The following PRDM5 variants were observed in gnomAD, a reference collection of about 807,000 sequenced individuals.
The protein encoded by PRDM5 is PR/SET domain 5, also known as PR domain zinc finger protein 5.
PRDM5 carries 56 observed loss-of-function variants against 81.2 expected under a neutral mutation model. That is an observed-to-expected ratio of 0.69 (90% CI 0.56 to 0.86). PRDM5 has a LOEUF of 0.86. PRDM5 is among the 40% of genes least tolerant of loss of function. PRDM5 has a pLI of 0.00. For synonymous variants in PRDM5, 267 were observed against 256.4 expected, an observed-to-expected ratio of 1.04 and a Z score of -0.39; for missense variants, 697 against 770.1, an observed-to-expected ratio of 0.91 and a Z score of 1.12.
At chr4:120,703,738 C>G (rs1449371441) in intron 15 of PRDM5, among the ~76,000 whole-genome samples, 1 of 152,064 alleles carries the variant, frequency 6.6e-6, no homozygotes, top group South Asian at 2.1e-4. Flanking sequence ...AATGAACACA[C>G]AAAAGGTTAC....
downstream of PRDM5, among the ~76,000 whole-genome samples, chr4:120,690,429 C>T (rs1398883695): frequency 2.6e-5 from 4 of 151,946 alleles, no homozygotes; most frequent in Non-Finnish European, 4.4e-5. Flanking sequence ...GCCATCATCG[C>T]GGACTGAAAA....
chr4:120,721,402 GTGCCTCTAA>G (rs1285633944), intron 14 of PRDM5, among the ~76,000 whole-genome samples: 3 of 152,220 alleles, frequency 2.0e-5, no homozygotes, highest in Admixed American at 2.0e-4. Context: ...AGCTCCCAAG[GTGCCTCTAA>G]TGCGCAACCA....
intron 12 of PRDM5, 25 bp from the exon 13 acceptor site, chr4:120,777,306 TA>T (rs1208549513): frequency 6.2e-7 from 1 of 1,612,784 alleles, no homozygotes; most frequent in African/African-American, 1.3e-5. Flanking sequence ...ATAAAAAGGC[TA>T]AGGATAAATA....
intron 3 of PRDM5, among the ~76,000 whole-genome samples, chr4:120,852,661 G>A (rs7687183): frequency 0.21 from 32,047 of 150,702 alleles, 3,705 homozygotes; most frequent in Non-Finnish European, 0.25. Context: ...TTATATATAC[G>A]TATATATACA....
At chr4:120,898,623 AC>A (rs539752789) in intron 2 of PRDM5, among the ~76,000 whole-genome samples, 113 of 151,910 alleles carry the variant, frequency 7.4e-4, no homozygotes, top group Non-Finnish European at 1.4e-3. Context: ...TTGCTTTAAC[AC>A]CCCTTGAAGC....
chr4:120,779,719 T>C (rs1748728588), intron 12 of PRDM5, among the ~76,000 whole-genome samples: 1 of 152,108 alleles, frequency 6.6e-6, no homozygotes. Context: ...CTGGCCAGCA[T>C]GGTGAAACTC....
At chr4:120,761,695 A>G (rs899582939) in intron 13 of PRDM5, among the ~76,000 whole-genome samples, 1 of 152,212 alleles carries the variant, frequency 6.6e-6, no homozygotes, top group Non-Finnish European at 1.5e-5. Flanking sequence ...AATCCTTTCG[A>G]AAAAATCTAT....
At chr4:120,843,007 G>T (rs544137179) in intron 3 of PRDM5, among the ~76,000 whole-genome samples, 1 of 152,206 alleles carries the variant, frequency 6.6e-6, no homozygotes, top group Non-Finnish European at 1.5e-5. Context: ...AAACATCTGA[G>T]AGCAGGCAAA....
chr4:120,706,746 A>G (rs1302370239), intron 15 of PRDM5, among the ~76,000 whole-genome samples: 2 of 114,854 alleles, frequency 1.7e-5, no homozygotes, highest in Non-Finnish European at 3.7e-5. Context: ...ATATATGTCC[A>G]TTATATAAAT....
At chr4:120,901,073 A>C in intron 2 of PRDM5, among the ~76,000 whole-genome samples, 1 of 152,228 alleles carries the variant, frequency 6.6e-6, no homozygotes. Flanking sequence ...TCCTTTTTTA[A>C]ATTTTTAAAT....
chr4:120,695,299 C>G, intron 15 of PRDM5, 24 bp from the exon 16 acceptor site: 1 of 1,612,356 alleles, frequency 6.2e-7, no homozygotes, highest in Non-Finnish European at 8.5e-7. Flanking sequence ...AAAGACCAAC[C>G]ATATTATACT....
chr4:120,801,747 C>T (rs965646270), intron 8 of PRDM5, among the ~76,000 whole-genome samples: 83 of 152,188 alleles, frequency 5.5e-4, no homozygotes, highest in African/African-American at 1.9e-3. Flanking sequence ...TAAAGGCAGC[C>T]TCTTCAATCA....
At chr4:120,899,247 C>A (rs531380557) in intron 2 of PRDM5, among the ~76,000 whole-genome samples, 1 of 152,280 alleles carries the variant, frequency 6.6e-6, no homozygotes, top group African/African-American at 2.4e-5. Context: ...GTATAGTAAG[C>A]AGACATACCA....
intron 10 of PRDM5, among the ~76,000 whole-genome samples, chr4:120,786,839 G>T (rs1749826375): frequency 6.6e-6 from 1 of 152,140 alleles, no homozygotes; most frequent in Non-Finnish European, 1.5e-5. Flanking sequence ...AATAAGAAAA[G>T]ATGAAAATGG....
chr4:120,866,034 A>G (rs1761168553), intron 2 of PRDM5, among the ~76,000 whole-genome samples: 1 of 152,250 alleles, frequency 6.6e-6, no homozygotes, highest in Non-Finnish European at 1.5e-5. Flanking sequence ...CTCAAAATCT[A>G]TCTTCGAATT....
chr4:120,846,990 T>C (rs1434171595), intron 3 of PRDM5, among the ~76,000 whole-genome samples: 4 of 152,120 alleles, frequency 2.6e-5, no homozygotes, highest in Non-Finnish European at 4.4e-5. Context: ...TTTCTACTGC[T>C]TGAAACTGCC....
intron 14 of PRDM5, among the ~76,000 whole-genome samples, chr4:120,750,981 CTATT>C (rs1215559903): frequency 6.6e-6 from 1 of 151,786 alleles, no homozygotes; most frequent in Non-Finnish European, 1.5e-5. Context: ...TCTTATCTAT[CTATT>C]TATTTATTTT....
intron 14 of PRDM5, among the ~76,000 whole-genome samples, chr4:120,733,274 C>G (rs918177598): frequency 3.9e-5 from 6 of 152,164 alleles, no homozygotes; most frequent in Non-Finnish European, 8.8e-5. Context: ...ATCCTATCTT[C>G]CTGTCCCAGC....
intron 13 of PRDM5, among the ~76,000 whole-genome samples, chr4:120,773,937 C>T (rs1163188951): frequency 6.6e-6 from 1 of 152,090 alleles, no homozygotes; most frequent in Non-Finnish European, 1.5e-5. Context: ...TCTAGTTTAG[C>T]AAATGCAGGT....
Sources: gnomAD v4.1 joint callset for allele counts (sites outside exome capture counted in the v4.1 genomes callset) on GRCh38, gnomAD v4.1.1 for gene constraint, MANE v1.5 for transcripts, NCBI Gene and HGNC (gene_info 2026-07-23, HGNC 2026-07-21) for gene names.